Variants in ELMO1 observed in about 807,000 individuals in gnomAD.
The protein encoded by ELMO1 is engulfment and cell motility 1, also known as engulfment and cell motility protein 1.
A neutral mutation model predicts 98.9 loss-of-function variants in ELMO1; 26 were observed. The observed-to-expected ratio is 0.26, with a 90% CI of 0.19 to 0.36. The LOEUF (loss-of-function observed/expected upper bound fraction) is 0.36, where lower values mean the gene tolerates loss of function less well. Ranked by LOEUF, ELMO1 falls within the 10% of genes least tolerant of loss-of-function variation. The pLI is 1.00. For missense variants in ELMO1, 627 were observed against 935.2 expected, an observed-to-expected ratio of 0.67 and a Z score of 4.30; for synonymous variants, 346 against 346.0, an observed-to-expected ratio of 1.00 and a Z score of 0.00.
chr7:36,868,410 ATC>A (rs1400700582), intron 20 of ELMO1, among the ~76,000 whole-genome samples: 1 of 149,614 alleles, frequency 6.7e-6, no homozygotes, highest in Non-Finnish European at 1.5e-5. Flanking sequence ...CAGTGACATG[ATC>A]TCGGCTCATC....
chr7:36,869,809 TTAAG>T (rs1351921541), intron 20 of ELMO1, among the ~76,000 whole-genome samples: 1 of 152,212 alleles, frequency 6.6e-6, no homozygotes, highest in Non-Finnish European at 1.5e-5. Context: ...ATTGCAGGGC[TTAAG>T]TAATACACAC....
chr7:37,247,894 A>AGTGTGTGTGTGTGTGTGTGTGT (rs1562551690), intron 6 of ELMO1, among the ~76,000 whole-genome samples: 2 of 108,080 alleles, frequency 1.9e-5, no homozygotes, highest in African/African-American at 7.4e-5. Flanking sequence ...TTTGAAATAA[A>AGTGTGTGTGTGTGTGTGTGTGT]ATGTGTGTGT....
chr7:37,202,347 T>G (rs1410423241), intron 13 of ELMO1, among the ~76,000 whole-genome samples: 1 of 152,196 alleles, frequency 6.6e-6, no homozygotes, highest in Non-Finnish European at 1.5e-5. Context: ...TAAGTGAATG[T>G]CAAAATTTAA....
rs942354003 is a variant in ELMO1, at chr7:36,900,253, A to G, written c.1438-5236T>C. ...TCTACAACTTCCAGCAAGTCTTGTC[A>G]TATCACCAGCAAGCAGTGAAGCTAG... On this transcript the variant is annotated intron_variant, in intron 16 of 21. Coordinates refer to ENST00000310758, the MANE Select transcript of ELMO1 (RefSeq NM_014800.11). 2.6e-5 allele frequency among the ~76,000 whole-genome samples: 4 copies of G among 152,226 alleles called. No individual in the cohort carries two copies. The South Asian group carries it at 6.2e-4, about 24-fold the overall frequency.
chr7:37,294,422 T>G (rs890306680), intron 4 of ELMO1, among the ~76,000 whole-genome samples: 5 of 151,554 alleles, frequency 3.3e-5, no homozygotes, highest in Non-Finnish European at 7.4e-5. Context: ...TTAGCCAGGC[T>G]ATGCAAACAA....
At chr7:37,057,543 A>G (rs1397022808) in intron 15 of ELMO1, among the ~76,000 whole-genome samples, 2 of 152,234 alleles carry the variant, frequency 1.3e-5, no homozygotes, top group African/African-American at 4.8e-5. Flanking sequence ...TTTGTTCTTT[A>G]CAAGGCCTTC....
chr7:37,197,847 T>TACCACTCGTC (rs778697781), intron 13 of ELMO1, among the ~76,000 whole-genome samples: 3 of 152,132 alleles, frequency 2.0e-5, no homozygotes, highest in African/African-American at 4.8e-5. Context: ...CTTTCCCAGG[T>TACCACTCGTC]ACCAGGACCC....
chr7:37,394,108 C>A (rs1803192601), intron 1 of ELMO1, among the ~76,000 whole-genome samples: 1 of 152,090 alleles, frequency 6.6e-6, no homozygotes, highest in Non-Finnish European at 1.5e-5. Context: ...TTATGGGGAG[C>A]CTCTCCCTGT....
chr7:37,340,044 T>C (rs1389238381), intron 2 of ELMO1, among the ~76,000 whole-genome samples: 1 of 151,990 alleles, frequency 6.6e-6, no homozygotes, highest in African/African-American at 2.4e-5. Context: ...TTTCTAAAGA[T>C]CAATGGAGAT....
chr7:37,361,670 G>A (rs1801702803), intron 1 of ELMO1, among the ~76,000 whole-genome samples: 1 of 152,190 alleles, frequency 6.6e-6, no homozygotes, highest in South Asian at 2.1e-4. Context: ...TACATTGATA[G>A]CATGTCATCC....
At chr7:36,959,821 C>T (rs1231315265) in intron 16 of ELMO1, among the ~76,000 whole-genome samples, 1 of 152,198 alleles carries the variant, frequency 6.6e-6, no homozygotes, top group African/African-American at 2.4e-5. Context: ...GCTGGGATTA[C>T]AGGCACGTGT....
chr7:37,097,132 G>A (rs932360659), intron 14 of ELMO1, among the ~76,000 whole-genome samples: 2 of 152,152 alleles, frequency 1.3e-5, no homozygotes, highest in African/African-American at 4.8e-5. Context: ...TATTTTCCAA[G>A]GAAGTCCATA....
intron 16 of ELMO1, among the ~76,000 whole-genome samples, chr7:36,976,497 T>G (rs756658353): frequency 1.1e-4 from 16 of 152,222 alleles, no homozygotes; most frequent in Non-Finnish European, 1.5e-4. Flanking sequence ...TATTACAAAT[T>G]TTGATACATA....
chr7:36,879,328 A>G (rs552831211), intron 18 of ELMO1, among the ~76,000 whole-genome samples: 1 of 152,320 alleles, frequency 6.6e-6, no homozygotes, highest in South Asian at 2.1e-4. Context: ...AAAATGCCTA[A>G]GGCATGAGGT....
At chr7:37,060,236 G>A (rs1438136011) in intron 15 of ELMO1, among the ~76,000 whole-genome samples, 1 of 152,156 alleles carries the variant, frequency 6.6e-6, no homozygotes, top group Non-Finnish European at 1.5e-5. Flanking sequence ...GTCTTTTAAT[G>A]AGGCACAGTT....
intron 4 of ELMO1, among the ~76,000 whole-genome samples, chr7:37,294,837 T>G (rs913535603): frequency 6.6e-6 from 1 of 151,922 alleles, no homozygotes; most frequent in African/African-American, 2.4e-5. Context: ...CCTTCTCTAC[T>G]ACAAATACAA....
intron 21 of ELMO1, among the ~76,000 whole-genome samples, chr7:36,856,903 G>A (rs762055826): frequency 3.9e-5 from 6 of 152,122 alleles, no homozygotes; most frequent in Non-Finnish European, 7.4e-5. Flanking sequence ...TAGTTCAAGC[G>A]GCAATTCCAG....
At chr7:37,155,508 AGCAGGTGTTGCAATCCTGGTCTCTG>A (rs1788697141) in intron 13 of ELMO1, among the ~76,000 whole-genome samples, 1 of 150,368 alleles carries the variant, frequency 6.7e-6, no homozygotes. Flanking sequence ...AAAAAAAAAA[AGCAGGTGTTGCAATCCTGGTCTCTG>A]ATAAAACAGA....
At position 36,855,827 on chromosome 7, in the gene ELMO1, T is replaced by G; in HGVS notation, c.1984-76A>C. 6.5e-7 allele frequency: 1 copy of G among 1,534,672 alleles called. No individual in the cohort carries two copies. Among genetic ancestry groups the G allele is most frequent in the Non-Finnish European group, 9.0e-7 (1 of 1,112,830 alleles). Reference sequence around the variant, plus strand: ...TATTAATAGTAAAAATAGCTAACAGTGAATACTCATCCCTCAGTAGGCTGT... The same window carrying G: ...TATTAATAGTAAAAATAGCTAACAGGGAATACTCATCCCTCAGTAGGCTGT... On this transcript the variant is annotated intron_variant, in intron 21 of 21. Transcript: ENST00000310758. The surrounding 1 kb of genome is among the most constrained non-coding windows in gnomAD (Gnocchi z 4.2).
Sources: allele counts gnomAD v4.1 joint callset (sites outside exome capture counted in the v4.1 genomes callset), GRCh38; gene constraint gnomAD v4.1.1; non-coding constraint Gnocchi (gnomAD v3.1); transcripts MANE v1.5; gene names NCBI Gene and HGNC (gene_info 2026-07-23, HGNC 2026-07-21).